Variants in SERINC5 observed in about 807,000 individuals in gnomAD.
SERINC5 encodes chromosome 5 open reading frame 12.
A neutral mutation model predicts 63.1 loss-of-function variants in SERINC5; 41 were observed. The observed-to-expected ratio is 0.65, with a 90% CI of 0.51 to 0.84. SERINC5 has a LOEUF of 0.84. Ranked by LOEUF, SERINC5 falls within the 40% of genes least tolerant of loss-of-function variation. The pLI is 0.00. For missense variants in SERINC5, 523 were observed against 573.0 expected, an observed-to-expected ratio of 0.91 and a Z score of 0.89; for synonymous variants, 222 against 215.2, an observed-to-expected ratio of 1.03 and a Z score of -0.28.
At chr5:80,137,642 CAAAAA>C, downstream of SERINC5, among the ~76,000 whole-genome samples, 1 of 104,818 alleles carries the variant, frequency 9.5e-6, no homozygotes, top group African/African-American at 3.3e-5. Flanking sequence ...GACTCTAACT[CAAAAA>C]AAAAAAAAAG....
chr5:80,252,769 GT>G, intron 1 of SERINC5, among the ~76,000 whole-genome samples: 1 of 152,204 alleles, frequency 6.6e-6, no homozygotes, highest in Middle Eastern at 3.4e-3. Context: ...GTAAAATGAG[GT>G]CATAGAGGGT....
intron 5 of SERINC5, 82 bp from the exon 6 acceptor site, chr5:80,169,628 T>G (rs1340822550): frequency 5.5e-6 from 6 of 1,091,640 alleles, no homozygotes; most frequent in Non-Finnish European, 8.1e-6. Flanking sequence ...ACAGTCACCA[T>G]CCCTCAGGCA....
intron 8 of SERINC5, among the ~76,000 whole-genome samples, chr5:80,152,622 G>T (rs1463069660): frequency 6.6e-6 from 1 of 152,060 alleles, no homozygotes; most frequent in African/African-American, 2.4e-5. Flanking sequence ...ATTTTCATTT[G>T]AAAGGTTAAC....
At chr5:80,129,041 AT>A (rs1210201316) in intron 11 of SERINC5, 4 of 152,208 alleles carry the variant, frequency 2.6e-5, no homozygotes, top group Non-Finnish European at 4.4e-5. Context: ...AAAGACACTG[AT>A]TGTCCAGCTT....
At chr5:80,147,389 A>G (rs1745891529) in intron 9 of SERINC5, 105 bp from the exon 10 acceptor site, 1 of 1,145,844 alleles carries the variant, frequency 8.7e-7, no homozygotes, top group Admixed American at 2.0e-5. Context: ...GCCCTTCAAA[A>G]GATGTGGACT....
intron 6 of SERINC5, among the ~76,000 whole-genome samples, chr5:80,169,002 C>A (rs1174392653): frequency 6.6e-6 from 1 of 152,194 alleles, no homozygotes; most frequent in Non-Finnish European, 1.5e-5. Context: ...AGATTGTAGG[C>A]AAGCTCATAA....
intron 1 of SERINC5, among the ~76,000 whole-genome samples, chr5:80,242,024 G>C (rs1239528080): frequency 2.0e-5 from 3 of 151,912 alleles, no homozygotes; most frequent in Non-Finnish European, 2.9e-5. Context: ...CTAGCTCCTT[G>C]GGAAGCTGAG....
chr5:80,211,395 GT>G (rs11295510), intron 1 of SERINC5, among the ~76,000 whole-genome samples: 100,360 of 151,906 alleles, frequency 0.66, 33,501 homozygotes, highest in African/African-American at 0.72. Context: ...CCTGAATCAG[GT>G]TAAGTTCAAT....
chr5:80,157,893 G>T (rs1013985290), intron 8 of SERINC5: 1 of 152,128 alleles, frequency 6.6e-6, no homozygotes, highest in African/African-American at 2.4e-5. Context: ...CTGTGTCCCC[G>T]TTGGTCCCTT....
intron 1 of SERINC5, among the ~76,000 whole-genome samples, chr5:80,210,912 ACT>A (rs1750402345): frequency 1.3e-5 from 2 of 151,898 alleles, no homozygotes; most frequent in African/African-American, 4.8e-5. Context: ...GCTGCCTGAA[ACT>A]CTGTGCTGAG....
intron 2 of SERINC5, among the ~76,000 whole-genome samples, chr5:80,185,456 T>G (rs747213362): frequency 6.6e-6 from 1 of 152,152 alleles, no homozygotes; most frequent in Non-Finnish European, 1.5e-5. Flanking sequence ...TAACCCATAG[T>G]AGTCATTAAG....
downstream of SERINC5, among the ~76,000 whole-genome samples, chr5:80,133,776 T>G (rs1157554671): frequency 6.6e-6 from 1 of 152,216 alleles, no homozygotes; most frequent in Non-Finnish European, 1.5e-5. Flanking sequence ...GGAGTTGTAT[T>G]ATTACGCAAA....
chr5:80,124,856 C>A (rs1263687141), intron 11 of SERINC5, among the ~76,000 whole-genome samples: 2 of 152,150 alleles, frequency 1.3e-5, no homozygotes, highest in African/African-American at 4.8e-5. Context: ...AACTCCCACC[C>A]AGGGTGGGGA....
At chr5:80,217,564 T>G (rs1010112523) in intron 1 of SERINC5, among the ~76,000 whole-genome samples, 7 of 152,180 alleles carry the variant, frequency 4.6e-5, no homozygotes, top group Non-Finnish European at 7.3e-5. Context: ...TAGCGGCGAG[T>G]GAGCTCTTCT....
intron 11 of SERINC5, chr5:80,116,192 C>T (rs1744315972): frequency 2.4e-6 from 1 of 414,044 alleles, no homozygotes; most frequent in African/African-American, 2.1e-5. Flanking sequence ...GGAGAAAAGG[C>T]AAGCTGTATT....
At position 80,247,818 on chromosome 5, in the gene SERINC5, C is replaced by T. The variant is rs146762335; in HGVS notation, c.27+8078G>A. Among the ~76,000 whole-genome samples the T allele has an allele frequency of 6.4e-3, 973 of 152,256 alleles. 4 individuals are homozygous for T. The highest frequency in any genetic ancestry group is 0.031 in the Middle Eastern group (9 of 294). On this transcript the variant is annotated intron_variant, in intron 1 of 11. Coordinates refer to ENST00000507668, the MANE Select transcript of SERINC5 (RefSeq NM_001174072.3). ...TGGATAGTACCCAACCCCATATATA[C>T]TGTGTTTTTTCCTGTATATACATAC...
At chr5:80,147,206 G>C in intron 10 of SERINC5, 39 bp downstream of exon 10, 2 of 1,566,066 alleles carry the variant, frequency 1.3e-6, no homozygotes, top group South Asian at 1.2e-5. Flanking sequence ...TAGGTCTGCA[G>C]TGCCACACAG....
At chr5:80,205,056 A>C (rs35151850) in intron 1 of SERINC5, among the ~76,000 whole-genome samples, 13,463 of 152,262 alleles carry the variant, frequency 0.088, 759 homozygotes, top group Non-Finnish European at 0.13. Context: ...ACACAGTTAC[A>C]CAAATGAGGA....
At chr5:80,114,931 G>C (rs1360873009) in intron 11 of SERINC5, among the ~76,000 whole-genome samples, 5 of 152,014 alleles carry the variant, frequency 3.3e-5, no homozygotes, top group African/African-American at 1.2e-4. Flanking sequence ...TTATAGACAA[G>C]AAATGTGTGT....
Sources: gnomAD v4.1 joint callset for allele counts (sites outside exome capture counted in the v4.1 genomes callset) on GRCh38, gnomAD v4.1.1 for gene constraint, MANE v1.5 for transcripts, NCBI Gene and HGNC (gene_info 2026-07-23, HGNC 2026-07-21) for gene names.